IQSEC2: variants seen among roughly 807,000 people sequenced by gnomAD.
IQSEC2 encodes IQ motif and SEC7 domain-containing protein 2.
In IQSEC2, 6 loss-of-function variants were observed where a neutral mutation model predicts 74.6. The observed-to-expected ratio is 0.08, with a 90% CI of 0.04 to 0.16. The LOEUF (loss-of-function observed/expected upper bound fraction) is 0.16. IQSEC2 is among the 10% of genes least tolerant of loss of function. The probability of loss-of-function intolerance (pLI) is 1.00; values close to 1 mark genes in which losing one functional copy is unlikely to be tolerated. For synonymous variants in IQSEC2, 494 were observed against 544.5 expected (o/e 0.91, Z 1.29); for missense variants, 734 against 1,306.2 (o/e 0.56, Z 6.75).
chrX:53,247,570 A>G lies in IQSEC2; in HGVS notation c.2583-435T>C, dbSNP rs147072715. Among the ~76,000 whole-genome samples the G allele has an allele frequency of 6.7e-3, 747 of 112,019 alleles. 10 individuals are homozygous for G. Among genetic ancestry groups the G allele is most frequent in the African/African-American group, 0.023 (700 of 30,806 alleles). On this transcript the variant is annotated intron_variant, in intron 7 of 14. Transcript: ENST00000642864. The stretch of plus-strand genomic sequence containing the variant: ...CTCCTGTTTCTCTTCTAAATACCCT[A>G]AAGTGGCAGAGCCAGGATTTAGACC...
chrX:53,269,077 A>C (rs2074701888), intron 2 of IQSEC2, among the ~76,000 whole-genome samples: 1 of 111,997 alleles, frequency 8.9e-6, no homozygotes, highest in Non-Finnish European at 1.9e-5. Flanking sequence ...TCATTATTCC[A>C]TCAGCATGCC....
intron 1 of IQSEC2, among the ~76,000 whole-genome samples, chrX:53,295,619 A>T (rs1436904424): frequency 9.2e-6 from 1 of 109,000 alleles, no homozygotes; most frequent in African/African-American, 3.3e-5. Flanking sequence ...AAAAAAAAAA[A>T]AAAAAAAAGA....
intron 2 of IQSEC2, chrX:53,266,357 C>T (rs1324325034): frequency 2.7e-6 from 2 of 750,505 alleles, no homozygotes; most frequent in African/African-American, 2.3e-5. Flanking sequence ...GATGGAAATT[C>T]CTTTGTACAC....
chrX:53,279,700 C>A, intron 2 of IQSEC2: 1 of 903,284 alleles, frequency 1.1e-6, no homozygotes, highest in Non-Finnish European at 1.6e-6. Context: ...GAGAGAGAGA[C>A]AGGGAGGGAG....
intron 1 of IQSEC2, among the ~76,000 whole-genome samples, chrX:53,300,924 GA>G (rs1354722009): frequency 1.8e-5 from 2 of 111,350 alleles, no homozygotes; most frequent in African/African-American, 6.5e-5. Context: ...GAAAAATCAA[GA>G]ACAAAAATTG....
rs138126527 is a variant in IQSEC2, at chrX:53,292,182, T to A, written c.708-258A>T. ...AGCAAGGGGGAAGAGTGGTCAGAAGTGAGGTCAAAGAGGCACCAGGAACCA... is the reference window on the plus strand; with the variant it reads ...AGCAAGGGGGAAGAGTGGTCAGAAGAGAGGTCAAAGAGGCACCAGGAACCA... On this transcript the variant is annotated intron_variant, in intron 1 of 14. Transcript: ENST00000642864. 0.012 allele frequency among the ~76,000 whole-genome samples: 1,342 copies of A among 111,004 alleles called. 15 individuals are homozygous for A. Among genetic ancestry groups the A allele is most frequent in the Non-Finnish European group, 0.019 (990 of 52,802 alleles).
At chrX:53,270,674 G>C (rs1459089937) in intron 2 of IQSEC2, among the ~76,000 whole-genome samples, 1 of 112,129 alleles carries the variant, frequency 8.9e-6, no homozygotes, top group African/African-American at 3.2e-5. Context: ...ATCAGGACAG[G>C]CATCTGTTCT....
At chrX:53,269,124 T>C (rs782638015) in intron 2 of IQSEC2, among the ~76,000 whole-genome samples, 3 of 111,955 alleles carry the variant, frequency 2.7e-5, no homozygotes, top group African/African-American at 9.7e-5. Flanking sequence ...GCTGATTCTG[T>C]TTCTTCCACT....
At chrX:53,263,116 G>A (rs1227837639) in intron 2 of IQSEC2, among the ~76,000 whole-genome samples, 7 of 112,095 alleles carry the variant, frequency 6.2e-5, no homozygotes, top group East Asian at 2.8e-4. Flanking sequence ...TCATCTCCCC[G>A]TGCCTTCCCA....
At chrX:53,292,656 T>G (rs2075112006) in intron 1 of IQSEC2, among the ~76,000 whole-genome samples, 3 of 111,783 alleles carry the variant, frequency 2.7e-5, no homozygotes, top group African/African-American at 9.8e-5. Flanking sequence ...AAGAAGAGAA[T>G]GGAGTTGGGG....
At chrX:53,237,982 G>A (rs1441067621) in intron 12 of IQSEC2, 163 bp downstream of exon 12, 8 of 560,281 alleles carry the variant, frequency 1.4e-5, no homozygotes, top group Non-Finnish European at 2.4e-5. Context: ...TGAGCCCCTT[G>A]TCACTGAAGG....
At chrX:53,284,814 T>G (rs999326430) in intron 2 of IQSEC2, among the ~76,000 whole-genome samples, 1 of 111,470 alleles carries the variant, frequency 9.0e-6, no homozygotes, top group Admixed American at 9.5e-5. Context: ...CAGTGGACAC[T>G]AGAGGGCACT....
chrX:53,232,454 T>A (rs2074069227), downstream of IQSEC2, among the ~76,000 whole-genome samples: 1 of 111,186 alleles, frequency 9.0e-6, no homozygotes, highest in African/African-American at 3.3e-5. Context: ...GAAGCATTCA[T>A]CCTATGAAAC....
At chrX:53,299,756 A>T (rs1556875045) in intron 1 of IQSEC2, among the ~76,000 whole-genome samples, 1 of 109,091 alleles carries the variant, frequency 9.2e-6, no homozygotes, top group Non-Finnish European at 1.9e-5. Context: ...AAAAGACAAG[A>T]CTTTTTTTTT....
At chrX:53,313,604 C>G (rs1393482233) in intron 1 of IQSEC2, among the ~76,000 whole-genome samples, 1 of 112,230 alleles carries the variant, frequency 8.9e-6, no homozygotes, top group African/African-American at 3.2e-5. Context: ...TGTTTATGAT[C>G]CTGCCAGGGA....
chrX:53,281,729 G>A, intron 2 of IQSEC2: 1 of 388,651 alleles, frequency 2.6e-6, no homozygotes, highest in Non-Finnish European at 4.3e-6. Flanking sequence ...CGAGGAAGCG[G>A]CCTGGAGAGC....
chrX:53,308,348 T>G (rs782265403), intron 1 of IQSEC2, among the ~76,000 whole-genome samples: 6 of 109,560 alleles, frequency 5.5e-5, no homozygotes, highest in Middle Eastern at 4.7e-3. Flanking sequence ...ATGAGCACTT[T>G]TCTGTATTCA....
Position 53,306,165 on chromosome X carries a change from GC to G in IQSEC2, c.708-14242del, listed in dbSNP as rs782804587. ...GCAGAAGCCTCAGCTCAGCCTCCAAGCCCCCCCGAGTGCTTGGGGCCCATCT... is the reference window on the plus strand; with the variant it reads ...GCAGAAGCCTCAGCTCAGCCTCCAAGCCCCCCGAGTGCTTGGGGCCCATCT... On this transcript the variant is annotated intron_variant, in intron 1 of 14. Coordinates refer to ENST00000642864, the MANE Select transcript of IQSEC2 (RefSeq NM_001111125.3). 6.0e-4 allele frequency among the ~76,000 whole-genome samples: 67 copies of G among 112,054 alleles called. 1 individual carries two copies. Among genetic ancestry groups the G allele is most frequent in the Admixed American group, 1.7e-3 (18 of 10,630 alleles).
At chrX:53,301,010 C>A (rs1400177522) in intron 1 of IQSEC2, among the ~76,000 whole-genome samples, 1 of 112,498 alleles carries the variant, frequency 8.9e-6, no homozygotes, top group African/African-American at 3.2e-5. Flanking sequence ...CTCAGAGTGG[C>A]TGCCTCTGGG....
Sources: allele counts gnomAD v4.1 joint callset (sites outside exome capture counted in the v4.1 genomes callset), GRCh38; gene constraint gnomAD v4.1.1; transcripts MANE v1.5; gene names NCBI Gene and HGNC (gene_info 2026-07-23, HGNC 2026-07-21).